XYLB: variants seen among roughly 807,000 people sequenced by gnomAD.
XYLB encodes the protein xylulokinase.
A neutral mutation model predicts 78.7 loss-of-function variants in XYLB; 62 were observed. The observed-to-expected ratio is 0.79, with a 90% confidence interval of 0.64 to 0.97. The LOEUF (loss-of-function observed/expected upper bound fraction) is 0.97, where lower values mean the gene tolerates loss of function less well. XYLB is among the 50% of genes least tolerant of loss of function. XYLB has a pLI of 0.00. For synonymous variants in XYLB, 245 were observed against 247.4 expected, an observed-to-expected ratio of 0.99 and a Z score of 0.09; for missense variants, 687 against 676.8, an observed-to-expected ratio of 1.02 and a Z score of -0.17.
chr3:38,397,997 T>G (rs551314290), intron 17 of XYLB, among the ~76,000 whole-genome samples: 1 of 151,268 alleles, frequency 6.6e-6, no homozygotes, highest in African/African-American at 2.4e-5. Context: ...TTTTTGTATT[T>G]TTAGTAGAGG....
chr3:38,376,220 G>A lies in XYLB; in HGVS notation c.1108G>A (p.Gly370Ser), dbSNP rs779770359. ...KALQSTEMGN[G>S]GNLGFYFDVM... ...ACTGCAGTCCACAGAGATGGGCAAC[G>A]GTGGAAACCTGGGTAGGCCAGTTGG... The change falls in exon 13 of 19, where the codon GGT becomes AGT. Residue 370 changes from glycine to serine, a missense_variant. Physicochemically the swap from Gly to Ser is moderately conservative, Grantham distance 56. Coordinates refer to ENST00000207870, the MANE Select transcript of XYLB (RefSeq NM_005108.4). 8.7e-6 allele frequency: 14 copies of A among 1,612,092 alleles called. No homozygotes were observed. The highest frequency in any genetic ancestry group is 2.2e-5 in the East Asian group (1 of 44,880).
At chr3:38,420,425 C>T (rs1009173652) in exon 18 of XYLB, among the ~76,000 whole-genome samples, 1 of 152,200 alleles carries the variant, frequency 6.6e-6, no homozygotes, top group Non-Finnish European at 1.5e-5. Context: ...TGAATACGCC[C>T]TCCATCGGGC....
intron 2 of XYLB, among the ~76,000 whole-genome samples, chr3:38,351,314 A>G (rs951421918): frequency 4.6e-5 from 7 of 151,876 alleles, no homozygotes; most frequent in Non-Finnish European, 1.0e-4. Context: ...TAGTCTTTCA[A>G]AATTTTAAAA....
rs1463505345 is a variant in XYLB, at chr3:38,355,651, A to G, written c.141-4688A>G. ...GACTGAGTTCTAGCCAGTGGAATAT[A>G]AGAAAATGTGATCAGGCCTCTAAAA... On this transcript the variant is annotated intron_variant, in intron 2 of 18. Coordinates refer to ENST00000207870, the MANE Select transcript of XYLB (RefSeq NM_005108.4). 7.6e-5 allele frequency: 53 copies of G among 693,910 alleles called. No individual in the cohort carries two copies. The East Asian group carries it at 1.3e-3, about 17-fold the overall frequency. The allele number at this position is 693,910 out of a possible 1,614,324, so 43.0% of individuals were successfully genotyped here. A position where few individuals can be genotyped will look rare whatever the true frequency, so the allele number is the denominator to read the frequency against.
chr3:38,397,135 G>A lies in XYLB; in HGVS notation c.1414G>A (p.Gly472Ser), dbSNP rs756472914. The change falls in exon 17 of 19, where the codon GGT becomes AGT. Residue 472 changes from glycine (G) to serine (S), a missense_variant. Coordinates refer to ENST00000207870, the MANE Select transcript of XYLB (RefSeq NM_005108.4). ...VIDTANSACV[G>S]SAYRAFHGLA... ...AGACACTGCCAACTCGGCCTGTGTG[G>A]GTTCTGCATACCGAGCTTTTCATGG... The A allele has an allele frequency of 4.3e-6, 7 of 1,614,002 alleles. No homozygotes were observed. The highest frequency in any genetic ancestry group is 5.9e-6 in the Non-Finnish European group (7 of 1,180,042).
At chr3:38,400,778 A>T in intron 17 of XYLB, 113 bp from the exon 18 acceptor site, 1 of 754,720 alleles carries the variant, frequency 1.3e-6, no homozygotes, top group East Asian at 2.5e-5. Context: ...TGCAACCATC[A>T]CTATAATCCA....
At chr3:38,415,383 G>A (rs978204375), downstream of XYLB, among the ~76,000 whole-genome samples, 1 of 152,214 alleles carries the variant, frequency 6.6e-6, no homozygotes, top group South Asian at 2.1e-4. Flanking sequence ...GGAAACTTGA[G>A]CAAAAGGACT....
chr3:38,374,360 G>T, intron 10 of XYLB, 102 bp from the exon 11 acceptor site: 1 of 1,545,052 alleles, frequency 6.5e-7, no homozygotes, highest in Non-Finnish European at 8.9e-7. Flanking sequence ...TGTGGGTGGG[G>T]GTTGGAGGTG....
At chr3:38,445,547 T>C in the XYLB span, among the ~76,000 whole-genome samples, 2 of 152,316 alleles carry the variant, frequency 1.3e-5, no homozygotes, top group African/African-American at 4.8e-5. Flanking sequence ...ATAGGATAGA[T>C]GGGCAAGTGT....
chr3:38,363,883 T>C (rs1208148109), intron 4 of XYLB, among the ~76,000 whole-genome samples: 1 of 152,208 alleles, frequency 6.6e-6, no homozygotes, highest in East Asian at 1.9e-4. Flanking sequence ...GCTGGATTAC[T>C]GTATTTTCAA....
chr3:38,376,447 G>T (rs1706861520), intron 13 of XYLB, among the ~76,000 whole-genome samples: 1 of 152,208 alleles, frequency 6.6e-6, no homozygotes, highest in African/African-American at 2.4e-5. Context: ...CTTGGCTTCT[G>T]CTCTGAGCAG....
At chr3:38,429,969 G>T in the XYLB span, among the ~76,000 whole-genome samples, 14 of 152,128 alleles carry the variant, frequency 9.2e-5, no homozygotes, top group Non-Finnish European at 1.8e-4. Flanking sequence ...ATGGACATTT[G>T]GTTGGTTCCA....
At chr3:38,403,548 CAG>C (rs1271751377) in intron 18 of XYLB, among the ~76,000 whole-genome samples, 2 of 152,128 alleles carry the variant, frequency 1.3e-5, no homozygotes, top group African/African-American at 2.4e-5. Flanking sequence ...TGACATTGGG[CAG>C]AGAGTCTCTC....
chr3:38,400,663 T>C (rs1708084203), intron 17 of XYLB, among the ~76,000 whole-genome samples: 2 of 152,266 alleles, frequency 1.3e-5, no homozygotes, highest in South Asian at 4.2e-4. Flanking sequence ...CACTTGCCAT[T>C]TTTTTGTTTT....
chr3:38,423,967 A>T (rs946565757), downstream of XYLB, among the ~76,000 whole-genome samples: 11 of 152,170 alleles, frequency 7.2e-5, no homozygotes, highest in Non-Finnish European at 1.5e-5. Context: ...ACTTTCAAAA[A>T]TTACTGGAAA....
chr3:38,420,890 A>G (rs1708955681), downstream of XYLB, among the ~76,000 whole-genome samples: 1 of 152,160 alleles, frequency 6.6e-6, no homozygotes, highest in African/African-American at 2.4e-5. Flanking sequence ...GGTTTACTAG[A>G]GCAGGGCAAG....
At chr3:38,348,511 A>G (rs1705188875) in intron 1 of XYLB, 39 bp from the exon 2 acceptor site, 1 of 1,599,674 alleles carries the variant, frequency 6.3e-7, no homozygotes, top group African/African-American at 1.3e-5. Flanking sequence ...GTAGAAGCTG[A>G]GGAAAATTCT....
At chr3:38,430,080 A>G in the XYLB span, among the ~76,000 whole-genome samples, 1 of 152,184 alleles carries the variant, frequency 6.6e-6, no homozygotes, top group African/African-American at 2.4e-5. Flanking sequence ...CAGTAATAGG[A>G]TCACTGGGTC....
At chr3:38,349,470 CTA>C (rs1023694799) in intron 2 of XYLB, among the ~76,000 whole-genome samples, 1 of 152,028 alleles carries the variant, frequency 6.6e-6, no homozygotes, top group African/African-American at 2.4e-5. Flanking sequence ...ACGTGGGGAA[CTA>C]TTAAAGAGGT....
Sources: allele counts gnomAD v4.1 joint callset (sites outside exome capture counted in the v4.1 genomes callset), GRCh38; gene constraint gnomAD v4.1.1; transcripts MANE v1.5; gene names NCBI Gene and HGNC (gene_info 2026-07-23, HGNC 2026-07-21).